The following WDR20 variants were observed in gnomAD, a reference collection of about 807,000 sequenced individuals.
WDR20 encodes WD repeat-containing protein 20.
A neutral mutation model predicts 38.7 loss-of-function variants in WDR20; 3 were observed. The observed-to-expected ratio is 0.08, with a 90% confidence interval of 0.04 to 0.20. The LOEUF (loss-of-function observed/expected upper bound fraction) is 0.20, where lower values mean the gene tolerates loss of function less well. Ranked by LOEUF, WDR20 falls within the 10% of genes least tolerant of loss-of-function variation. The pLI is 1.00. For synonymous variants in WDR20, 298 were observed against 285.6 expected (o/e 1.04, Z -0.44); for missense variants, 559 against 727.7 (o/e 0.77, Z 2.67).
intron 1 of WDR20, among the ~76,000 whole-genome samples, chr14:102,161,121 C>T (rs1596038949): frequency 1.8e-4 from 2 of 11,134 alleles, no homozygotes; most frequent in East Asian, 8.1e-3. Flanking sequence ...AGCATAACTG[C>T]ATATATATAT....
chr14:102,201,370 G>GA lies in WDR20; in HGVS notation c.432+6258dup, dbSNP rs200426585. On this transcript the variant is annotated intron_variant, in intron 2 of 2. Transcript: ENST00000342702. ...TTTTGCTTATCATATTGATAGTAAT[G>GA]AAAAAAAAGAAAAAGAAAATGAAGT... Among the ~76,000 whole-genome samples, 691 of 151,728 alleles carry GA rather than the reference G, an allele frequency of 4.6e-3. 6 individuals are homozygous for GA. Among genetic ancestry groups the GA allele is most frequent in the African/African-American group, 0.015 (638 of 41,392 alleles).
Position 102,183,732 on chromosome 14 carries a change from C to A in WDR20, c.250-11206C>A, listed in dbSNP as rs949414159. Among the ~76,000 whole-genome samples, 7 of 152,208 alleles carry A rather than the reference C, an allele frequency of 4.6e-5. No homozygotes were observed. The East Asian group carries it at 1.3e-3, about 29-fold the overall frequency. ...GGGCCGTTTTCACTTAGGATGGGAA[C>A]TCTTCTACCGATTGTTGCTTATGTT... On this transcript the variant is annotated intron_variant, in intron 1 of 2. Transcript: ENST00000342702.
chr14:102,199,875 TAGAG>T (rs747736409), intron 2 of WDR20, among the ~76,000 whole-genome samples: 1 of 152,176 alleles, frequency 6.6e-6, no homozygotes, highest in Non-Finnish European at 1.5e-5. Context: ...AATTGGAAAA[TAGAG>T]AGGTACAAAG....
chr14:102,167,359 C>T (rs1019119390), intron 1 of WDR20: 1 of 152,174 alleles, frequency 6.6e-6, no homozygotes, highest in African/African-American at 2.4e-5. Flanking sequence ...GGACTGTGGA[C>T]ATGTGCCGCC....
intron 1 of WDR20, among the ~76,000 whole-genome samples, chr14:102,140,402 G>A (rs950371674): frequency 2.6e-5 from 4 of 152,142 alleles, no homozygotes; most frequent in African/African-American, 9.7e-5. Context: ...GTGGGGCGCG[G>A]GGGTTCTGGC....
chr14:102,209,172 C>G lies in WDR20; in HGVS notation c.1002C>G (p.Phe334Leu), dbSNP rs1216309684. Residue 334 changes from phenylalanine (F) to leucine (L), a missense_variant, in exon 3 of 3, where the codon TTC (phenylalanine) becomes TTG (leucine). By Grantham distance (22) the Phe-to-Leu change is conservative. Coordinates refer to ENST00000342702, the MANE Select transcript of WDR20 (RefSeq NM_144574.4). The surrounding 1 kb of genome is among the most constrained non-coding windows in gnomAD (Gnocchi z 6.0). ...PMEFSGSDED[F>L]QDLLHFGRDR... ...AGTTTAGTGGCAGCGATGAGGACTT[C>G]CAAGACCTTCTTCATTTTGGCAGAG... 1 of 1,614,116 alleles carries G rather than the reference C, an allele frequency of 6.2e-7. No homozygotes were observed. The highest frequency in any genetic ancestry group is 1.3e-5 in the African/African-American group (1 of 74,998).
intron 1 of WDR20, among the ~76,000 whole-genome samples, chr14:102,192,774 G>A (rs559227124): frequency 5.9e-5 from 9 of 152,092 alleles, no homozygotes; most frequent in African/African-American, 1.2e-4. Context: ...GTATTTCAGC[G>A]CATAATTTTA....
chr14:102,190,743 G>A (rs1443102533), intron 1 of WDR20, among the ~76,000 whole-genome samples: 1 of 152,116 alleles, frequency 6.6e-6, no homozygotes, highest in Admixed American at 6.5e-5. Context: ...GCTCACGCCT[G>A]TAATCCCAGC....
At chr14:102,186,538 A>C (rs2064790890) in intron 1 of WDR20, among the ~76,000 whole-genome samples, 1 of 151,474 alleles carries the variant, frequency 6.6e-6, no homozygotes, top group South Asian at 2.1e-4. Context: ...GCCTCCCCCC[A>C]CAACACCCCC....
intron 1 of WDR20, among the ~76,000 whole-genome samples, chr14:102,185,834 T>C (rs2064548355): frequency 6.6e-6 from 1 of 151,738 alleles, no homozygotes; most frequent in Non-Finnish European, 1.5e-5. Flanking sequence ...AAAAAAAGCA[T>C]TATATATTTG....
intron 2 of WDR20, among the ~76,000 whole-genome samples, chr14:102,196,413 A>AT (rs1479399750): frequency 1.3e-5 from 2 of 152,104 alleles, no homozygotes; most frequent in Admixed American, 6.6e-5. Flanking sequence ...CTGGATGATT[A>AT]TTTTTTTGGT....
At chr14:102,223,145 A>C (rs1287802616) in exon 4 of WDR20, 3 of 305,004 alleles carry the variant, frequency 9.8e-6, no homozygotes, top group Non-Finnish European at 1.8e-5. Context: ...TTACTCTAAA[A>C]TTCAATGTAA....
chr14:102,209,546 G>A lies in WDR20; in HGVS notation c.1376G>A (p.Ser459Asn), dbSNP rs2062156821. The A allele has an allele frequency of 1.2e-6, 2 of 1,614,176 alleles. No homozygotes were observed. Among genetic ancestry groups the A allele is most frequent in the Middle Eastern group, 1.6e-4 (1 of 6,062 alleles). ...VMDGAIASGV[S>N]KFATLSLHDR... ...GACGGGGCCATTGCTTCTGGGGTCAGCAAATTTGCAACACTTTCACTACAT... is the reference window on the plus strand; with the variant it reads ...GACGGGGCCATTGCTTCTGGGGTCAACAAATTTGCAACACTTTCACTACAT... The change falls in exon 3 of 3, where the codon AGC (serine) becomes AAC (asparagine). Residue 459 changes from serine to asparagine, a missense_variant. Transcript: ENST00000342702. The surrounding 1 kb of genome is among the most constrained non-coding windows in gnomAD (Gnocchi z 6.0).
At chr14:102,197,667 G>A in intron 2 of WDR20, 1 of 602,216 alleles carries the variant, frequency 1.7e-6, no homozygotes, top group Non-Finnish European at 3.0e-6. Context: ...CATGTCACGT[G>A]AAGCAATTTG....
At position 102,208,482 on chromosome 14, in the gene WDR20, A is replaced by C; in HGVS notation, c.433-121A>C. The C allele has an allele frequency of 7.4e-7, 1 of 1,347,692 alleles. No individual in the cohort carries two copies. The highest frequency in any genetic ancestry group is 9.9e-7 in the Non-Finnish European group (1 of 1,015,154). 83.5% of individuals were successfully genotyped at this position (1,347,692 alleles called of 1,614,324 possible). On this transcript the variant is annotated intron_variant, in intron 2 of 2. Transcript: ENST00000342702. The surrounding 1 kb of genome is among the most constrained non-coding windows in gnomAD (Gnocchi z 5.6). ...GCTGGCTTGGCTGACTGCAGGATAA[A>C]ATGTGGAGGGCCTGGATAGACTTGC...
intron 2 of WDR20, among the ~76,000 whole-genome samples, chr14:102,205,004 C>T (rs2150539): frequency 0.13 from 19,339 of 152,178 alleles, 1,999 homozygotes; most frequent in African/African-American, 0.28. Context: ...CCCAGCACTT[C>T]GAGAGGCCAA....
chr14:102,223,139 T>C (rs577274082), exon 4 of WDR20: 1 of 348,576 alleles, frequency 2.9e-6, no homozygotes, highest in South Asian at 5.8e-5. Context: ...TGCTTTTTAC[T>C]CTAAAATTCA....
intron 2 of WDR20, among the ~76,000 whole-genome samples, chr14:102,202,044 T>A (rs2060488199): frequency 6.6e-6 from 1 of 151,766 alleles, no homozygotes; most frequent in Admixed American, 6.6e-5. Flanking sequence ...AGGGAGCAGG[T>A]CTCTTCCCTG....
chr14:102,214,626 TTGTTA>T, downstream of WDR20: 2 of 985,168 alleles, frequency 2.0e-6, no homozygotes, highest in Non-Finnish European at 2.4e-6. Context: ...TTATTAGAGA[TTGTTA>T]TGTTAGGCGA....
Sources: gnomAD v4.1 joint callset for allele counts (sites outside exome capture counted in the v4.1 genomes callset) on GRCh38, gnomAD v4.1.1 for gene constraint, Gnocchi (gnomAD v3.1) non-coding constraint, MANE v1.5 for transcripts, NCBI Gene and HGNC (gene_info 2026-07-23, HGNC 2026-07-21) for gene names.